RIT2: variants seen among roughly 807,000 people sequenced by gnomAD.
RIT2 encodes the protein GTP-binding protein Rit2.
In RIT2, 24 loss-of-function variants were observed where a neutral mutation model predicts 23.7. The observed-to-expected ratio is 1.01, with a 90% confidence interval of 0.73 to 1.43. The LOEUF is 1.43. Ranked by LOEUF, RIT2 falls within the 40% of genes most tolerant of loss-of-function variation. The probability of loss-of-function intolerance (pLI) is 0.00; values close to 1 mark genes in which losing one functional copy is unlikely to be tolerated. For synonymous variants in RIT2, 107 were observed against 91.1 expected (o/e 1.17, Z -0.99); for missense variants, 236 against 266.9 (o/e 0.88, Z 0.81).
At chr18:42,982,109 T>C (rs548352349) in intron 2 of RIT2, among the ~76,000 whole-genome samples, 122 of 152,310 alleles carry the variant, frequency 8.0e-4, no homozygotes, top group African/African-American at 2.5e-3. Flanking sequence ...TCTTCATTGA[T>C]GGTGGAAGGT....
intron 1 of RIT2, among the ~76,000 whole-genome samples, chr18:43,052,164 C>T (rs1490062000): frequency 2.0e-5 from 3 of 152,080 alleles, no homozygotes; most frequent in African/African-American, 4.8e-5. Context: ...ACTTATTTTC[C>T]TTCTCTCAAT....
chr18:43,113,108 C>T (rs939696583), intron 1 of RIT2, among the ~76,000 whole-genome samples: 7 of 152,070 alleles, frequency 4.6e-5, no homozygotes, highest in African/African-American at 1.7e-4. Flanking sequence ...ATATTTTTAG[C>T]TCATTTGAAA....
In RIT2 at chr18:43,006,612, G is replaced by A. The variant is rs140131286; in HGVS notation, c.160+27199C>T. Among the ~76,000 whole-genome samples the A allele has an allele frequency of 1.7e-3, 259 of 151,602 alleles. 1 individual carries two copies. The highest frequency in any genetic ancestry group is 5.8e-3 in the African/African-American group (242 of 41,472). Reference sequence around the variant, plus strand: ...AGAGTGAATAAATACAATTGGTGATGCCTTAAGAGTTGTGAAAGATAATAC... The same window carrying A: ...AGAGTGAATAAATACAATTGGTGATACCTTAAGAGTTGTGAAAGATAATAC... On this transcript the variant is annotated intron_variant, in intron 2 of 4. Transcript: ENST00000326695.
intron 2 of RIT2, among the ~76,000 whole-genome samples, chr18:43,020,239 C>T (rs190729794): frequency 1.3e-5 from 2 of 152,192 alleles, no homozygotes; most frequent in East Asian, 3.9e-4. Flanking sequence ...AATCCCAGCA[C>T]TTTGGAAGGC....
At position 42,987,539 on chromosome 18, in the gene RIT2, C is replaced by A. The variant is rs1343731957; in HGVS notation, c.161-13392G>T. ...ACACACTGGAACACTTTATTGCAAG[C>A]AATTTCACACATCAGGGATATATGT... On this transcript the variant is annotated intron_variant, in intron 2 of 4. Transcript: ENST00000326695. Among the ~76,000 whole-genome samples, 3 of 152,098 alleles carry A rather than the reference C, an allele frequency of 2.0e-5. No homozygotes were observed. In the South Asian group the frequency reaches 6.2e-4, roughly 32 times the overall value.
intron 4 of RIT2, among the ~76,000 whole-genome samples, chr18:42,752,411 T>C (rs1477157846): frequency 6.6e-6 from 1 of 152,122 alleles, no homozygotes; most frequent in Non-Finnish European, 1.5e-5. Context: ...AGCACAATGG[T>C]AGAAAGGAAT....
intron 1 of RIT2, among the ~76,000 whole-genome samples, chr18:43,073,762 C>T (rs1912949465): frequency 1.3e-5 from 2 of 152,090 alleles, no homozygotes; most frequent in South Asian, 4.1e-4. Flanking sequence ...ACTGGACATA[C>T]CTGGTTTCCA....
intron 3 of RIT2, among the ~76,000 whole-genome samples, chr18:42,934,023 GAAAAAAAAAAAAAAAGA>G (rs1329244273): frequency 2.7e-4 from 9 of 33,660 alleles, no homozygotes; most frequent in African/African-American, 9.8e-4. Flanking sequence ...TCTCACAGAA[GAAAAAAAAAAAAAAAGA>G]AAAAAAAAAA....
At chr18:42,901,152 G>A (rs1016785369) in intron 4 of RIT2, among the ~76,000 whole-genome samples, 3 of 151,976 alleles carry the variant, frequency 2.0e-5, no homozygotes, top group Admixed American at 6.6e-5. Flanking sequence ...AATTTGATGA[G>A]ACAATAAACA....
At chr18:42,961,880 C>A (rs192240992) in intron 3 of RIT2, among the ~76,000 whole-genome samples, 12 of 152,102 alleles carry the variant, frequency 7.9e-5, no homozygotes, top group Non-Finnish European at 1.8e-4. Context: ...AGTGAGAGTA[C>A]GCATTTTCCA....
At chr18:42,869,473 A>T (rs907476970) in intron 4 of RIT2, among the ~76,000 whole-genome samples, 1 of 152,186 alleles carries the variant, frequency 6.6e-6, no homozygotes, top group Non-Finnish European at 1.5e-5. Context: ...TTAGATAATA[A>T]CTGCTCAGAG....
At chr18:42,769,843 T>TATAATAATAATA (rs149525390) in intron 4 of RIT2, among the ~76,000 whole-genome samples, 67 of 141,476 alleles carry the variant, frequency 4.7e-4, no homozygotes, top group Middle Eastern at 3.7e-3. Context: ...AAACTTAAAG[T>TATAATAATAATA]ATAATAATAA....
chr18:43,115,302 T>C, intron 1 of RIT2, 115 bp downstream of exon 1: 2 of 1,328,946 alleles, frequency 1.5e-6, no homozygotes, highest in Non-Finnish European at 2.1e-6. Flanking sequence ...CCATACTCTG[T>C]GTTTAACTGC....
chr18:42,796,475 A>AGCACTAT (rs61040179), intron 4 of RIT2, among the ~76,000 whole-genome samples: 148,484 of 152,160 alleles, frequency 0.98, 72,566 homozygotes, highest in Middle Eastern at 1. Flanking sequence ...TTCCGGACAC[A>AGCACTAT]GCTGGGTGCT....
chr18:43,090,153 C>T (rs1913386929), intron 1 of RIT2, among the ~76,000 whole-genome samples: 1 of 151,546 alleles, frequency 6.6e-6, no homozygotes, highest in South Asian at 2.1e-4. Context: ...GACATAGAAG[C>T]TACAAAGAAC....
At position 43,115,650 on chromosome 18, in the gene RIT2, G is replaced by T; in HGVS notation, c.-131C>A. On this transcript the variant is annotated 5_prime_UTR_variant, in exon 1 of 5. Transcript: ENST00000326695. ...TACGAGGTAAGAACCATCAGCGTCG[G>T]GCTGGCTGCTGGTCCTCCGCTCGAG... 7.6e-7 allele frequency: 1 copy of T among 1,315,756 alleles called. No homozygotes were observed. The allele number at this position is 1,315,756 out of a possible 1,614,324, so 81.5% of individuals were successfully genotyped here.
chr18:42,892,202 A>G (rs2144095270), intron 4 of RIT2, among the ~76,000 whole-genome samples: 1 of 152,200 alleles, frequency 6.6e-6, no homozygotes, highest in East Asian at 1.9e-4. Flanking sequence ...AGCACTTCCT[A>G]CCTAGAGTAC....
At chr18:43,086,441 T>C (rs1301588893) in intron 1 of RIT2, among the ~76,000 whole-genome samples, 5 of 152,142 alleles carry the variant, frequency 3.3e-5, no homozygotes, top group Non-Finnish European at 7.4e-5. Context: ...TGGAATACCA[T>C]ACAGTCTTAA....
chr18:42,883,718 C>T (rs1007452647), intron 4 of RIT2, among the ~76,000 whole-genome samples: 1 of 152,108 alleles, frequency 6.6e-6, no homozygotes, highest in Non-Finnish European at 1.5e-5. Flanking sequence ...TCTTGGGTAG[C>T]TCCAGCTATC....
Sources: gnomAD v4.1 joint callset for allele counts (sites outside exome capture counted in the v4.1 genomes callset) on GRCh38, gnomAD v4.1.1 for gene constraint, MANE v1.5 for transcripts, NCBI Gene and HGNC (gene_info 2026-07-23, HGNC 2026-07-21) for gene names.